Variants in TES observed in about 807,000 individuals in gnomAD.
TES encodes testin LIM domain protein.
Under a neutral mutation model 48.2 loss-of-function variants are expected in TES, and 41 were observed. That is an observed-to-expected ratio of 0.85 (90% CI 0.66 to 1.10). The LOEUF (loss-of-function observed/expected upper bound fraction) is 1.10. Among genes scored for constraint, TES ranks in the 50% least tolerant of loss-of-function variants. TES has a pLI of 0.00. For synonymous variants in TES, 162 were observed against 174.9 expected, an observed-to-expected ratio of 0.93 and a Z score of 0.58; for missense variants, 463 against 515.1, an observed-to-expected ratio of 0.90 and a Z score of 0.98.
chr7:116,240,746 C>T (rs761104969), intron 2 of TES, among the ~76,000 whole-genome samples: 95 of 152,222 alleles, frequency 6.2e-4, no homozygotes, highest in Non-Finnish European at 1.0e-3. Context: ...GGAGAGAGAA[C>T]TGCTCAATAG....
At chr7:116,247,611 A>C (rs766241601) in intron 2 of TES, among the ~76,000 whole-genome samples, 6 of 152,178 alleles carry the variant, frequency 3.9e-5, no homozygotes, top group Non-Finnish European at 7.4e-5. Flanking sequence ...TTTGATAAAA[A>C]TCAAATGAAT....
intron 6 of TES, 116 bp downstream of exon 6, chr7:116,252,592 A>C: frequency 6.9e-7 from 1 of 1,456,096 alleles, no homozygotes; most frequent in Non-Finnish European, 9.6e-7. Context: ...AGTAGAAAGC[A>C]AATTATTCCT....
rs1320328680 is a variant in TES, at chr7:116,254,511, G to A, written c.1077+2035G>A. 4.6e-5 allele frequency among the ~76,000 whole-genome samples: 7 copies of A among 152,094 alleles called. No homozygotes were observed. The South Asian group carries it at 6.2e-4, about 14-fold the overall frequency. ...AGCACTTTGGGAGGCCAAGGTGGGC[G>A]AATCATGAGGTCAGGAGTTCGAGAC... On this transcript the variant is annotated intron_variant, in intron 6 of 6. Coordinates refer to ENST00000358204, the MANE Select transcript of TES (RefSeq NM_015641.4).
At chr7:116,212,603 A>C (rs1236641888) in intron 1 of TES, among the ~76,000 whole-genome samples, 1 of 152,224 alleles carries the variant, frequency 6.6e-6, no homozygotes, top group Non-Finnish European at 1.5e-5. Context: ...GAGAAAAATC[A>C]AAGACATTTT....
intron 6 of TES, 132 bp from the exon 7 acceptor site, chr7:116,257,162 C>T: frequency 3.1e-6 from 3 of 967,330 alleles, no homozygotes; most frequent in South Asian, 2.0e-5. Context: ...TAGAAGGCCA[C>T]CCTCCATTGT....
intron 1 of TES, among the ~76,000 whole-genome samples, chr7:116,228,651 C>T (rs1244101815): frequency 6.6e-6 from 1 of 152,086 alleles, no homozygotes; most frequent in Non-Finnish European, 1.5e-5. Flanking sequence ...ACTACTCCAC[C>T]AGAGTTACAA....
rs2740392 is a variant in TES, at chr7:116,228,318, A to G, written c.28-6216A>G. Among the ~76,000 whole-genome samples, 737 of 152,268 alleles carry G rather than the reference A, an allele frequency of 4.8e-3. 10 individuals carry two copies. The highest frequency in any genetic ancestry group is 0.017 in the African/African-American group (688 of 41,552). On this transcript the variant is annotated intron_variant, in intron 1 of 6. Transcript: ENST00000358204. ...TATTTTTTTCTTAGGACCTTGATAG[A>G]TAGTCCCAAAGCCTGACTGTAATTT...
chr7:116,249,427 T>C lies in TES; in HGVS notation c.366+155T>C, dbSNP rs567009142. ...GACTTCTGATTCCTGTTCTAGTCTTTTGAATGTAAGACTAGATACTTCATA... is the reference window on the plus strand; with the variant it reads ...GACTTCTGATTCCTGTTCTAGTCTTCTGAATGTAAGACTAGATACTTCATA... On this transcript the variant is annotated intron_variant, in intron 3 of 6. Transcript: ENST00000358204. The C allele has an allele frequency of 8.9e-6, 8 of 899,458 alleles. No homozygotes were observed. In the East Asian group the frequency reaches 2.1e-4, roughly 24 times the overall value. The allele number at this position is 899,458 out of a possible 1,614,324, so 55.7% of individuals were successfully genotyped here. A position where few individuals can be genotyped will look rare whatever the true frequency, so the allele number is the denominator to read the frequency against.
chr7:116,258,307 A>AG lies in TES; in HGVS notation c.*825_*826insG, dbSNP rs1800135632. 1.3e-5 allele frequency: 2 copies of AG among 152,232 alleles called. No individual in the cohort carries two copies. The highest frequency in any genetic ancestry group is 2.1e-4 in the South Asian group (1 of 4,824). The allele number at this position is 152,232 out of a possible 1,614,324, so 9.4% of individuals were successfully genotyped here. On this transcript the variant is annotated 3_prime_UTR_variant, in exon 7 of 7. Coordinates refer to ENST00000358204, the MANE Select transcript of TES (RefSeq NM_015641.4). ...GTATTTTTAGTAGAGACAGGTTTTCACCATGTTAGCCAGGCTGGTCTCAAA... is the reference window on the plus strand; with the variant it reads ...GTATTTTTAGTAGAGACAGGTTTTCAGCCATGTTAGCCAGGCTGGTCTCAAA...
intron 3 of TES, chr7:116,249,544 A>G (rs1799974110): frequency 8.0e-6 from 3 of 374,530 alleles, no homozygotes; most frequent in African/African-American, 2.0e-5. Context: ...TTTTATATCA[A>G]TCTAGTAACT....
intron 2 of TES, among the ~76,000 whole-genome samples, chr7:116,238,845 C>T (rs1049384824): frequency 6.6e-6 from 1 of 152,080 alleles, no homozygotes; most frequent in African/African-American, 2.4e-5. Flanking sequence ...AGCAGATCCA[C>T]CAGCCTCAGC....
intron 6 of TES, among the ~76,000 whole-genome samples, chr7:116,254,746 AAATATAT>A (rs1418571829): frequency 1.6e-4 from 18 of 109,712 alleles, no homozygotes; most frequent in African/African-American, 4.2e-4. Context: ...GTCTCAAAAA[AAATATAT>A]ATATATGTGT....
At chr7:116,254,855 A>G (rs376514371) in intron 6 of TES, among the ~76,000 whole-genome samples, 2 of 151,694 alleles carry the variant, frequency 1.3e-5, no homozygotes, top group Admixed American at 6.6e-5. Flanking sequence ...CCTTTGCCTA[A>G]TATTAAAATG....
intron 1 of TES, chr7:116,222,803 A>C (rs1053740381): frequency 1.1e-5 from 2 of 176,958 alleles, no homozygotes; most frequent in Non-Finnish European, 2.2e-5. Flanking sequence ...CTTTTATAGC[A>C]AATAAATAGG....
chr7:116,250,570 T>C, intron 4 of TES, 74 bp downstream of exon 4: 2 of 1,193,454 alleles, frequency 1.7e-6, no homozygotes, highest in Non-Finnish European at 2.2e-6. Context: ...TTGAACTTTT[T>C]TGGGGACTAT....
chr7:116,223,511 T>G (rs953579464), intron 1 of TES, among the ~76,000 whole-genome samples: 4 of 152,314 alleles, frequency 2.6e-5, no homozygotes, highest in Non-Finnish European at 5.9e-5. Context: ...ATTTTAATAA[T>G]CTGGTTTGCA....
chr7:116,229,139 G>C (rs1251833679), intron 1 of TES, among the ~76,000 whole-genome samples: 1 of 151,320 alleles, frequency 6.6e-6, no homozygotes, highest in Non-Finnish European at 1.5e-5. Flanking sequence ...TTTCTAAACA[G>C]CTAGTTCGCC....
intron 2 of TES, among the ~76,000 whole-genome samples, chr7:116,235,350 A>G (rs946336405): frequency 2.9e-4 from 44 of 152,244 alleles, no homozygotes; most frequent in African/African-American, 8.2e-4. Flanking sequence ...TCAAGCATGT[A>G]TATGTTAGTT....
chr7:116,240,699 C>A (rs1329265457), intron 2 of TES, among the ~76,000 whole-genome samples: 3 of 151,852 alleles, frequency 2.0e-5, no homozygotes, highest in Admixed American at 6.6e-5. Flanking sequence ...CCCTTTTTTT[C>A]CCCATAGAAC....
Sources: gnomAD v4.1 joint callset for allele counts (sites outside exome capture counted in the v4.1 genomes callset) on GRCh38, gnomAD v4.1.1 for gene constraint, MANE v1.5 for transcripts, NCBI Gene and HGNC (gene_info 2026-07-23, HGNC 2026-07-21) for gene names.